SAMD12: variants seen among roughly 807,000 people sequenced by gnomAD.
The protein encoded by SAMD12 is sterile alpha motif domain containing 12.
SAMD12 carries 9 observed loss-of-function variants against 15.0 expected under a neutral mutation model. The ratio of observed to expected loss-of-function variants is 0.60; its 90% CI spans 0.36 to 1.05. The LOEUF is 1.05. Ranked by LOEUF, SAMD12 falls within the 50% of genes least tolerant of loss-of-function variation. SAMD12 has a pLI of 0.01. For missense variants in SAMD12, 230 were observed against 234.2 expected (o/e 0.98, Z 0.12); for synonymous variants, 86 against 90.1 (o/e 0.96, Z 0.25).
At chr8:118,523,235 G>A (rs1200392775) in intron 2 of SAMD12, among the ~76,000 whole-genome samples, 1 of 152,074 alleles carries the variant, frequency 6.6e-6, no homozygotes, top group Non-Finnish European at 1.5e-5. Context: ...GAGGTGGGGG[G>A]CACTCCCTCA....
chr8:118,511,897 T>C (rs1281007092), intron 2 of SAMD12, among the ~76,000 whole-genome samples: 1 of 152,192 alleles, frequency 6.6e-6, no homozygotes, highest in Non-Finnish European at 1.5e-5. Flanking sequence ...CAAACACTTG[T>C]TGCTACTTTT....
chr8:118,189,166 A>G (rs1306235251), downstream of SAMD12, among the ~76,000 whole-genome samples: 7 of 152,140 alleles, frequency 4.6e-5, no homozygotes, highest in Non-Finnish European at 1.5e-5. Context: ...TCGACACTAA[A>G]GAGTTCACCA....
chr8:118,205,768 G>A (rs1037152329), intron 4 of SAMD12, among the ~76,000 whole-genome samples: 2 of 152,112 alleles, frequency 1.3e-5, no homozygotes, highest in African/African-American at 4.8e-5. Context: ...TGGCTTTGCA[G>A]TCCTCGTTGC....
intron 2 of SAMD12, among the ~76,000 whole-genome samples, chr8:118,519,882 A>G (rs1485185153): frequency 1.3e-5 from 2 of 152,250 alleles, no homozygotes; most frequent in East Asian, 3.8e-4. Flanking sequence ...ATAAAGCCAC[A>G]GCAACATTAT....
intron 4 of SAMD12, among the ~76,000 whole-genome samples, chr8:118,251,613 C>T (rs1056428350): frequency 6.6e-6 from 1 of 151,906 alleles, no homozygotes; most frequent in Non-Finnish European, 1.5e-5. Context: ...CGTTGCTGGC[C>T]CCAGAATTAA....
intron 1 of SAMD12, among the ~76,000 whole-genome samples, chr8:118,591,434 T>A (rs1827583315): frequency 6.6e-6 from 1 of 152,174 alleles, no homozygotes; most frequent in Non-Finnish European, 1.5e-5. Flanking sequence ...ATTGTGTTGA[T>A]AAAGAGAAAT....
chr8:118,484,962 A>C (rs1219757321), intron 2 of SAMD12, among the ~76,000 whole-genome samples: 1 of 152,154 alleles, frequency 6.6e-6, no homozygotes, highest in Non-Finnish European at 1.5e-5. Context: ...CTTTCATGGT[A>C]ATGGATCTAC....
At chr8:118,489,467 G>A (rs1824379428) in intron 2 of SAMD12, among the ~76,000 whole-genome samples, 1 of 152,074 alleles carries the variant, frequency 6.6e-6, no homozygotes, top group Non-Finnish European at 1.5e-5. Flanking sequence ...CTAGTAGAAG[G>A]AATCTTCAAA....
downstream of SAMD12, among the ~76,000 whole-genome samples, chr8:118,374,641 T>C (rs909647952): frequency 1.3e-5 from 2 of 152,108 alleles, no homozygotes; most frequent in Non-Finnish European, 2.9e-5. Context: ...TTGCCAACAC[T>C]AGTTATTTTC....
the SAMD12 span, among the ~76,000 whole-genome samples, chr8:118,134,999 A>G: frequency 6.6e-6 from 1 of 152,230 alleles, no homozygotes; most frequent in African/African-American, 2.4e-5. Flanking sequence ...TGCATTGCTA[A>G]CAAGCTTCAG....
At chr8:118,531,829 T>C (rs1825693868) in intron 2 of SAMD12, among the ~76,000 whole-genome samples, 1 of 152,192 alleles carries the variant, frequency 6.6e-6, no homozygotes, top group Non-Finnish European at 1.5e-5. Context: ...GGTTTGGGGC[T>C]GAGATGATAG....
intron 2 of SAMD12, among the ~76,000 whole-genome samples, chr8:118,474,452 C>G (rs2130973091): frequency 6.6e-6 from 1 of 152,086 alleles, no homozygotes; most frequent in Non-Finnish European, 1.5e-5. Context: ...GCGATCTCAG[C>G]TCACTGTAAC....
intron 4 of SAMD12, among the ~76,000 whole-genome samples, chr8:118,329,568 A>T (rs1816719065): frequency 6.6e-6 from 1 of 152,044 alleles, no homozygotes. Flanking sequence ...TACGATTATC[A>T]CTATGCTGTA....
At chr8:118,293,794 A>G (rs903794440) in intron 4 of SAMD12, among the ~76,000 whole-genome samples, 1 of 152,106 alleles carries the variant, frequency 6.6e-6, no homozygotes, top group Admixed American at 6.5e-5. Context: ...CTCCTTTCAT[A>G]ACCAGTCTGT....
chr8:118,595,120 G>A (rs575777310), intron 1 of SAMD12, among the ~76,000 whole-genome samples: 1 of 152,242 alleles, frequency 6.6e-6, no homozygotes, highest in Non-Finnish European at 1.5e-5. Context: ...TCCCACCCAT[G>A]CATCCTACAG....
intron 4 of SAMD12, among the ~76,000 whole-genome samples, chr8:118,265,013 A>G (rs1362071185): frequency 6.6e-6 from 1 of 152,146 alleles, no homozygotes; most frequent in African/African-American, 2.4e-5. Context: ...CTGCACTGCA[A>G]TGAGGCATTT....
At chr8:118,589,144 G>A (rs1201064316) in intron 1 of SAMD12, among the ~76,000 whole-genome samples, 1 of 152,166 alleles carries the variant, frequency 6.6e-6, no homozygotes, top group African/African-American at 2.4e-5. Context: ...TTACATCAAT[G>A]AGAAAGACAG....
intron 2 of SAMD12, among the ~76,000 whole-genome samples, chr8:118,449,988 C>G (rs1823030567): frequency 6.6e-6 from 1 of 152,132 alleles, no homozygotes; most frequent in African/African-American, 2.4e-5. Flanking sequence ...TTATTTCTCT[C>G]TGAAACTCAG....
At chr8:118,330,902 A>T (rs1339193931) in intron 4 of SAMD12, among the ~76,000 whole-genome samples, 1 of 151,874 alleles carries the variant, frequency 6.6e-6, no homozygotes, top group Admixed American at 6.6e-5. Flanking sequence ...AAAAGCCCTG[A>T]CTCCACCACC....
Sources: allele counts gnomAD v4.1 joint callset (sites outside exome capture counted in the v4.1 genomes callset), GRCh38; gene constraint gnomAD v4.1.1; transcripts MANE v1.5; gene names NCBI Gene and HGNC (gene_info 2026-07-23, HGNC 2026-07-21).